Variants in CCL28 observed in about 807,000 individuals in gnomAD.
CCL28 encodes the protein C-C motif chemokine 28.
Under a neutral mutation model 7.1 loss-of-function variants are expected in CCL28, and 4 were observed. That is an observed-to-expected ratio of 0.56 (90% CI 0.28 to 1.29). The LOEUF (loss-of-function observed/expected upper bound fraction) is 1.29. Ranked by LOEUF, CCL28 falls within the 50% of genes most tolerant of loss-of-function variation. The pLI is 0.11. For missense variants in CCL28, 151 were observed against 163.4 expected (o/e 0.92, Z 0.41); for synonymous variants, 55 against 57.8 (o/e 0.95, Z 0.22).
Position 43,405,580 on chromosome 5 carries a change from A to T in CCL28, c.64+6673T>A, listed in dbSNP as rs1366284005. ...AAATTGACACCCTAACATCACAATT[A>T]AAAGAACTAGAGAAGCAAGAGCAAA... On this transcript the variant is annotated intron_variant, in intron 1 of 2. Coordinates refer to ENST00000361115, the MANE Select transcript of CCL28 (RefSeq NM_148672.3). Among the ~76,000 whole-genome samples, 3 of 152,260 alleles carry T rather than the reference A, an allele frequency of 2.0e-5. No homozygotes were observed. In the East Asian group the frequency reaches 5.8e-4, roughly 29 times the overall value.
chr5:43,360,969 T>C, the CCL28 span, among the ~76,000 whole-genome samples: 3 of 152,148 alleles, frequency 2.0e-5, no homozygotes, highest in African/African-American at 4.8e-5. Context: ...TTTTTCCTCA[T>C]GCTCTCCCTC....
At chr5:43,408,982 C>T (rs1291763794) in intron 1 of CCL28, among the ~76,000 whole-genome samples, 1 of 151,746 alleles carries the variant, frequency 6.6e-6, no homozygotes, top group East Asian at 1.9e-4. Flanking sequence ...CCTCGAACTC[C>T]TGGGCTCAAG....
intron 2 of CCL28, among the ~76,000 whole-genome samples, chr5:43,383,161 A>G (rs948728578): frequency 2.6e-5 from 4 of 152,154 alleles, no homozygotes; most frequent in African/African-American, 4.8e-5. Flanking sequence ...GGGCTGGGAG[A>G]ATGCTACAGC....
At chr5:43,400,957 C>T (rs1202823813) in intron 1 of CCL28, among the ~76,000 whole-genome samples, 2 of 151,900 alleles carry the variant, frequency 1.3e-5, no homozygotes, top group Non-Finnish European at 2.9e-5. Context: ...GTGGCAGGTG[C>T]TTGTAATCCC....
the CCL28 span, among the ~76,000 whole-genome samples, chr5:43,364,765 G>T: frequency 6.6e-6 from 1 of 152,062 alleles, no homozygotes; most frequent in African/African-American, 2.4e-5. Flanking sequence ...ATATATTTAG[G>T]ATAGTTAGCT....
At position 43,403,949 on chromosome 5, in the gene CCL28, A is replaced by T. The variant is rs1210117403; in HGVS notation, c.64+8304T>A. On this transcript the variant is annotated intron_variant, in intron 1 of 2. Coordinates refer to ENST00000361115, the MANE Select transcript of CCL28 (RefSeq NM_148672.3). ...ATGAATGAAATGAAGTGAGAAGAGA[A>T]GTTTAGAGAAAAAAGAATAAAAAGA... Among the ~76,000 whole-genome samples, 5 of 152,194 alleles carry T rather than the reference A, an allele frequency of 3.3e-5. No homozygotes were observed. The East Asian group carries it at 9.6e-4, about 29-fold the overall frequency.
At chr5:43,371,762 T>G (rs55759097), downstream of CCL28, among the ~76,000 whole-genome samples, 75,725 of 152,086 alleles carry the variant, frequency 0.5, 19,470 homozygotes, top group Middle Eastern at 0.62. Flanking sequence ...AAATATGTGT[T>G]GTTTTAAGTC....
the CCL28 span, among the ~76,000 whole-genome samples, chr5:43,367,522 G>T: frequency 6.6e-6 from 1 of 152,204 alleles, no homozygotes; most frequent in Non-Finnish European, 1.5e-5. Context: ...TGGGTGAGGG[G>T]ATGCCCCACC....
In CCL28 at chr5:43,381,371, A is replaced by T. The variant is rs1740105762; in HGVS notation, c.*489T>A. On this transcript the variant is annotated 3_prime_UTR_variant, in exon 3 of 3. Transcript: ENST00000361115. ...CTCTTAAAATATTATATGAAGATATACACTATCATTATTATTATTATTTTT... is the reference window on the plus strand; with the variant it reads ...CTCTTAAAATATTATATGAAGATATTCACTATCATTATTATTATTATTTTT... The T allele has an allele frequency of 6.6e-6, 1 of 152,446 alleles. No homozygotes were observed. Among genetic ancestry groups the T allele is most frequent in the Admixed American group, 6.5e-5 (1 of 15,286 alleles). 9.4% of individuals were successfully genotyped at this position (152,446 alleles called of 1,614,324 possible).
chr5:43,400,394 C>T (rs1740980838), intron 1 of CCL28, among the ~76,000 whole-genome samples: 1 of 152,118 alleles, frequency 6.6e-6, no homozygotes, highest in Non-Finnish European at 1.5e-5. Context: ...CTCTATTGCT[C>T]AGGCAGGTCT....
At chr5:43,358,791 A>T in the CCL28 span, among the ~76,000 whole-genome samples, 1 of 152,360 alleles carries the variant, frequency 6.6e-6, no homozygotes, top group Admixed American at 6.5e-5. Flanking sequence ...GATTTTAATC[A>T]AGGTCTGTCT....
rs1433294386 is a variant in CCL28, at chr5:43,379,526, A to AAAAT, written c.*2330_*2333dup. 1 of 152,224 alleles carries AAAAT rather than the reference A, an allele frequency of 6.6e-6. No homozygotes were observed. Among genetic ancestry groups the AAAAT allele is most frequent in the African/African-American group, 2.4e-5 (1 of 41,450 alleles). 9.4% of individuals were successfully genotyped at this position (152,224 alleles called of 1,614,324 possible). A position where few individuals can be genotyped will look rare whatever the true frequency, so the allele number is the denominator to read the frequency against. The stretch of plus-strand genomic sequence containing the variant: ...ATACAAAGCTTGCAGAAATGTCAGG[A>AAAAT]AAATAAATAAATTAAATGCTAAATA... On this transcript the variant is annotated 3_prime_UTR_variant, in exon 3 of 3. Coordinates refer to ENST00000361115, the MANE Select transcript of CCL28 (RefSeq NM_148672.3).
the CCL28 span, among the ~76,000 whole-genome samples, chr5:43,360,382 C>T: frequency 1.6e-4 from 24 of 152,180 alleles, no homozygotes; most frequent in South Asian, 3.5e-3. Flanking sequence ...TACTAAGCCT[C>T]GTACCCAATA....
chr5:43,389,964 T>C (rs149370382), intron 1 of CCL28, among the ~76,000 whole-genome samples: 181 of 152,326 alleles, frequency 1.2e-3, no homozygotes, highest in African/African-American at 3.8e-3. Flanking sequence ...AGAGGTTCCC[T>C]CCTGCAGCCT....
chr5:43,396,562 G>A (rs953942160), intron 1 of CCL28, among the ~76,000 whole-genome samples: 4 of 152,040 alleles, frequency 2.6e-5, no homozygotes, highest in African/African-American at 9.7e-5. Context: ...TAGAAACAAA[G>A]CATTCAACTC....
At chr5:43,367,545 A>C in the CCL28 span, among the ~76,000 whole-genome samples, 1 of 151,994 alleles carries the variant, frequency 6.6e-6, no homozygotes, top group Non-Finnish European at 1.5e-5. Context: ...GCTTTGGCTC[A>C]CCCTCTTTAG....
In CCL28 at chr5:43,410,189, C is replaced by T. The variant is rs1357361101; in HGVS notation, c.64+2064G>A. ...CTGTTGAGTTGTTGAGTGTTCTCTA[C>T]CTTCCTCCCTCCCCACTTGGTTTTC... On this transcript the variant is annotated intron_variant, in intron 1 of 2. Coordinates refer to ENST00000361115, the MANE Select transcript of CCL28 (RefSeq NM_148672.3). Among the ~76,000 whole-genome samples the T allele has an allele frequency of 2.6e-5, 4 of 152,196 alleles. No individual in the cohort carries two copies. In the East Asian group the frequency reaches 7.7e-4, roughly 29 times the overall value.
At chr5:43,364,746 T>G in the CCL28 span, among the ~76,000 whole-genome samples, 2 of 152,196 alleles carry the variant, frequency 1.3e-5, no homozygotes, top group Non-Finnish European at 2.9e-5. Flanking sequence ...GCTCCTGTAT[T>G]GGGTGCATAT....
At chr5:43,396,621 G>A (rs1039892697) in intron 1 of CCL28, among the ~76,000 whole-genome samples, 3 of 152,046 alleles carry the variant, frequency 2.0e-5, no homozygotes, top group Non-Finnish European at 1.5e-5. Flanking sequence ...AATCGTAAAA[G>A]TACTATTTAT....
Sources: allele counts gnomAD v4.1 joint callset (sites outside exome capture counted in the v4.1 genomes callset), GRCh38; gene constraint gnomAD v4.1.1; transcripts MANE v1.5; gene names NCBI Gene and HGNC (gene_info 2026-07-23, HGNC 2026-07-21).